The following RBMS2 variants were observed in gnomAD, a reference collection of about 807,000 sequenced individuals.
RBMS2 encodes the protein RNA-binding motif, single-stranded-interacting protein 2.
Under a neutral mutation model 58.4 loss-of-function variants are expected in RBMS2, and 38 were observed. The observed-to-expected ratio is 0.65, with a 90% CI of 0.50 to 0.85. The LOEUF (loss-of-function observed/expected upper bound fraction) is 0.85, where lower values mean the gene tolerates loss of function less well. Ranked by LOEUF, RBMS2 falls within the 40% of genes least tolerant of loss-of-function variation. The pLI is 0.00. For missense variants in RBMS2, 367 were observed against 503.7 expected, an observed-to-expected ratio of 0.73 and a Z score of 2.60; for synonymous variants, 151 against 180.7, an observed-to-expected ratio of 0.84 and a Z score of 1.32.
At chr12:56,542,177 A>G (rs547382398) in intron 1 of RBMS2, among the ~76,000 whole-genome samples, 29 of 152,152 alleles carry the variant, frequency 1.9e-4, no homozygotes, top group African/African-American at 7.0e-4. Context: ...CATCCAGAGT[A>G]GCTGGGACTA....
rs531741360 is a variant in RBMS2 at position 56,565,478 on chromosome 12, G to A, written c.233+2895G>A. 2.0e-5 allele frequency among the ~76,000 whole-genome samples: 3 copies of A among 152,230 alleles called. No homozygotes were observed. The East Asian group carries it at 5.8e-4, about 29-fold the overall frequency. ...AGTGGGAAACCCACAGATACAGAGG[G>A]ATTTTTATTTTGCCTTTCTGAACAA... On this transcript the variant is annotated intron_variant, in intron 2 of 13. Transcript: ENST00000262031.
chr12:56,561,466 C>A (rs942544254), intron 1 of RBMS2, among the ~76,000 whole-genome samples: 10 of 152,070 alleles, frequency 6.6e-5, no homozygotes, highest in Non-Finnish European at 2.9e-5. Context: ...ACTAGCCATT[C>A]TGACTTTTGG....
intron 2 of RBMS2, among the ~76,000 whole-genome samples, chr12:56,564,981 C>A (rs1019051930): frequency 3.9e-5 from 6 of 152,148 alleles, no homozygotes; most frequent in African/African-American, 1.4e-4. Context: ...CACTGCACCA[C>A]AGCCTGGGTG....
intron 1 of RBMS2, among the ~76,000 whole-genome samples, chr12:56,560,350 G>A (rs183252255): frequency 1.3e-5 from 2 of 150,922 alleles, no homozygotes; most frequent in East Asian, 2.0e-4. Flanking sequence ...TCTGCCTCCC[G>A]GGTTCACACC....
intron 2 of RBMS2, among the ~76,000 whole-genome samples, chr12:56,563,225 C>T (rs1880753401): frequency 6.6e-6 from 1 of 152,178 alleles, no homozygotes; most frequent in East Asian, 1.9e-4. Context: ...CCTTTAAAGC[C>T]TAATATCCAA....
intron 2 of RBMS2, among the ~76,000 whole-genome samples, chr12:56,565,160 G>A (rs1386845792): frequency 3.3e-5 from 5 of 152,080 alleles, no homozygotes; most frequent in Non-Finnish European, 2.9e-5. Context: ...ATACTGTATT[G>A]TTTAGGGAAT....
chr12:56,559,773 C>G (rs1880015184), intron 1 of RBMS2, among the ~76,000 whole-genome samples: 1 of 133,724 alleles, frequency 7.5e-6, no homozygotes, highest in African/African-American at 2.9e-5. Context: ...ATGGTGTGAA[C>G]CTGGGAGGCA....
intron 1 of RBMS2, among the ~76,000 whole-genome samples, chr12:56,524,695 T>G (rs1161377558): frequency 6.7e-6 from 1 of 150,134 alleles, no homozygotes; most frequent in Non-Finnish European, 1.5e-5. Flanking sequence ...AGATTATACT[T>G]TGAGTCACCA....
chr12:56,523,451 G>A (rs1232528584), intron 1 of RBMS2, among the ~76,000 whole-genome samples: 5 of 152,104 alleles, frequency 3.3e-5, no homozygotes, highest in African/African-American at 1.2e-4. Context: ...GTAACATGTT[G>A]TATACCTTAA....
At chr12:56,581,901 C>A in intron 8 of RBMS2, 22 bp downstream of exon 8, 1 of 1,612,180 alleles carries the variant, frequency 6.2e-7, no homozygotes, top group Admixed American at 1.7e-5. Flanking sequence ...TATAATCAAG[C>A]CACCTGAAAA....
chr12:56,570,887 C>T (rs531661582), intron 4 of RBMS2, among the ~76,000 whole-genome samples: 1 of 152,238 alleles, frequency 6.6e-6, no homozygotes, highest in East Asian at 1.9e-4. Flanking sequence ...GTCCCTTTGC[C>T]TTTCTGAAGC....
At chr12:56,530,889 A>G (rs977753052) in intron 1 of RBMS2, among the ~76,000 whole-genome samples, 1 of 152,070 alleles carries the variant, frequency 6.6e-6, no homozygotes, top group Non-Finnish European at 1.5e-5. Context: ...ACTTAGGTTT[A>G]TTGAGCAGCT....
intron 1 of RBMS2, among the ~76,000 whole-genome samples, chr12:56,543,940 TTA>T (rs1308152391): frequency 6.6e-6 from 1 of 151,630 alleles, no homozygotes; most frequent in Non-Finnish European, 1.5e-5. Context: ...AGTGCTGGGA[TTA>T]TAGGTGTGAG....
chr12:56,546,374 TTATAATGTAAAA>T (rs1456724099), intron 1 of RBMS2, among the ~76,000 whole-genome samples: 2 of 145,564 alleles, frequency 1.4e-5, no homozygotes, highest in Non-Finnish European at 3.0e-5. Context: ...ATATTGTACA[TTATAATGTAAAA>T]TATAATGTAT....
At chr12:56,585,926 T>C (rs969758946) in intron 9 of RBMS2, among the ~76,000 whole-genome samples, 1 of 152,232 alleles carries the variant, frequency 6.6e-6, no homozygotes, top group Non-Finnish European at 1.5e-5. Flanking sequence ...CTCATACCTG[T>C]AATCCCAGCA....
intron 1 of RBMS2, among the ~76,000 whole-genome samples, chr12:56,552,957 C>T (rs1265944419): frequency 3.5e-5 from 4 of 112,862 alleles, no homozygotes; most frequent in South Asian, 3.2e-4. Context: ...GAGACAGAGT[C>T]TCGCTTTATC....
chr12:56,572,363 A>AT (rs562899246), intron 5 of RBMS2, among the ~76,000 whole-genome samples: 9 of 150,434 alleles, frequency 6.0e-5, no homozygotes, highest in Admixed American at 3.3e-4. Context: ...CCACCTAAAT[A>AT]TTTTTTTTAT....
At chr12:56,580,230 CT>C (rs544289831) in intron 5 of RBMS2, 43,451 of 309,188 alleles carry the variant, frequency 0.14, 155 homozygotes, top group South Asian at 0.17. Context: ...TGAGCCTGGC[CT>C]TTTTTTTTTT....
intron 1 of RBMS2, among the ~76,000 whole-genome samples, chr12:56,534,239 A>T (rs1874337371): frequency 6.6e-6 from 1 of 152,136 alleles, no homozygotes. Context: ...ACTGTAATTT[A>T]TCCATTCTCC....
Sources: gnomAD v4.1 joint callset for allele counts (sites outside exome capture counted in the v4.1 genomes callset) on GRCh38, gnomAD v4.1.1 for gene constraint, MANE v1.5 for transcripts, NCBI Gene and HGNC (gene_info 2026-07-23, HGNC 2026-07-21) for gene names.